The following RBM5 variants were observed in gnomAD, a reference collection of about 807,000 sequenced individuals.
RBM5 encodes the protein RNA binding motif protein 5.
RBM5 carries 15 observed loss-of-function variants against 124.6 expected under a neutral mutation model. That is an observed-to-expected ratio of 0.12 (90% CI 0.08 to 0.19). The LOEUF is 0.19. Ranked by LOEUF, RBM5 falls within the 10% of genes least tolerant of loss-of-function variation. RBM5 has a pLI of 1.00. For missense variants in RBM5, 580 were observed against 1,026.5 expected (o/e 0.57, Z 5.94); for synonymous variants, 337 against 361.2 (o/e 0.93, Z 0.76).
chr3:50,107,699 T>TTTTC (rs2091064253), intron 12 of RBM5, 130 bp downstream of exon 12: 1 of 536,700 alleles, frequency 1.9e-6, no homozygotes. Context: ...TTTTTTTTTT[T>TTTTC]TTTTGAGACA....
intron 4 of RBM5, chr3:50,099,697 C>CAA (rs879899576): frequency 5.9e-4 from 79 of 134,126 alleles, no homozygotes; most frequent in South Asian, 2.7e-3. Flanking sequence ...GACTCCGTCT[C>CAA]AAAAAAAAAA....
At chr3:50,095,522 C>T (rs1341236487) in intron 4 of RBM5, among the ~76,000 whole-genome samples, 1 of 151,980 alleles carries the variant, frequency 6.6e-6, no homozygotes, top group African/African-American at 2.4e-5. Context: ...TTTCCAGCAG[C>T]ATCTCTGGTC....
chr3:50,090,302 C>A (rs1198741267), intron 1 of RBM5, 80 bp from the exon 2 acceptor site: 1 of 906,216 alleles, frequency 1.1e-6, no homozygotes, highest in Non-Finnish European at 1.7e-6. Flanking sequence ...AAATCCCAGC[C>A]TCAGTAGTAT....
Position 50,113,142 on chromosome 3 carries a change from C to T in RBM5, c.1456-241C>T, listed in dbSNP as rs1258309571. 1.1e-4 allele frequency: 34 copies of T among 307,456 alleles called. No individual in the cohort carries two copies. In the South Asian group the frequency reaches 1.6e-3, roughly 14 times the overall value. 19.0% of individuals were successfully genotyped at this position (307,456 alleles called of 1,614,324 possible). The stretch of plus-strand genomic sequence containing the variant: ...GTGCTAGGATTACGGGCATGAGCCA[C>T]TGCTCCCGGCTGGGAACTAAACTTT... On this transcript the variant is annotated intron_variant, in intron 17 of 24. Transcript: ENST00000347869.
chr3:50,099,255 CAA>C (rs57080777), intron 4 of RBM5, among the ~76,000 whole-genome samples: 8 of 139,114 alleles, frequency 5.8e-5, no homozygotes, highest in Non-Finnish European at 6.2e-5. Flanking sequence ...GGCCCTGTCT[CAA>C]AAAAAAAAAA....
At chr3:50,093,047 G>A (rs1194490243) in intron 3 of RBM5, 4 of 211,072 alleles carry the variant, frequency 1.9e-5, no homozygotes, top group Admixed American at 6.6e-5. Context: ...GCTGAGGTAC[G>A]AGAATTGCTT....
At position 50,095,816 on chromosome 3, in the gene RBM5, C is replaced by T. The variant is rs371614338; in HGVS notation, c.339+1941C>T. ...CACCTCTGTGTCCCCAACCCTTGAA[C>T]ACAGTATGTTACTCAGCCAGTGCTC... On this transcript the variant is annotated intron_variant, in intron 4 of 24. Coordinates refer to ENST00000347869, the MANE Select transcript of RBM5 (RefSeq NM_005778.4). 3.3e-5 allele frequency among the ~76,000 whole-genome samples: 5 copies of T among 152,150 alleles called. No individual in the cohort carries two copies. In the South Asian group the frequency reaches 1.0e-3, roughly 32 times the overall value.
chr3:50,092,363 A>T (rs2090718926), intron 3 of RBM5, among the ~76,000 whole-genome samples, 155 bp downstream of exon 3: 1 of 152,032 alleles, frequency 6.6e-6, no homozygotes, highest in Non-Finnish European at 1.5e-5. Flanking sequence ...GGAGTTTAAG[A>T]CCAGTCTGGC....
chr3:50,104,444 C>A, intron 8 of RBM5, 136 bp downstream of exon 8: 1 of 808,980 alleles, frequency 1.2e-6, no homozygotes, highest in Non-Finnish European at 2.0e-6. Context: ...TCAATACCAG[C>A]CTGGCAAGAG....
rs898760905 is a variant in RBM5, at chr3:50,113,427, G to A, written c.1500G>A (p.Gly500=). 7 of 1,613,958 alleles carry A rather than the reference G, an allele frequency of 4.3e-6. No homozygotes were observed. The highest frequency in any genetic ancestry group is 5.9e-6 in the Non-Finnish European group (7 of 1,179,992). Residue 500 remains glycine (G), a synonymous_variant, in exon 18 of 25, where the codon GGG becomes GGA. Transcript: ENST00000347869. The part of the protein sequence containing the change: ...SLTQQYLYWD[G]EKETYVPAAE... ...CCCAGCAGTACCTTTACTGGGATGG[G>A]GAAAAAGAGACCTACGTGCCAGCTG... is the stretch of plus-strand genomic sequence containing the variant.
intron 22 of RBM5, chr3:50,116,726 G>A (rs1233184455): frequency 3.0e-6 from 1 of 332,386 alleles, no homozygotes; most frequent in South Asian, 2.6e-5. Flanking sequence ...AGGTATGCCT[G>A]TCCAAATGCT....
In RBM5 at chr3:50,115,420, G is replaced by A. The variant is rs1279127981; in HGVS notation, c.1840-8G>A. 6.2e-7 allele frequency: 1 copy of A among 1,611,152 alleles called. No homozygotes were observed. Among genetic ancestry groups the A allele is most frequent in the South Asian group, 1.1e-5 (1 of 90,572 alleles). On this transcript the variant is annotated splice_region_variant and splice_polypyrimidine_tract_variant and intron_variant, in intron 20 of 24. Coordinates refer to ENST00000347869, the MANE Select transcript of RBM5 (RefSeq NM_005778.4). ...ATTTCCAGTGACCTGTCCTCCTTTT[G>A]TCTCCAGAGGGGTCTGGTTGCTGCT... is the stretch of plus-strand genomic sequence containing the variant.
At chr3:50,105,275 G>A (rs1487861579) in intron 9 of RBM5, 133 bp downstream of exon 9, 1 of 735,800 alleles carries the variant, frequency 1.4e-6, no homozygotes, top group African/African-American at 1.8e-5. Flanking sequence ...GGGTGTGGTG[G>A]CACACACCTG....
chr3:50,104,098 A>AT, intron 7 of RBM5, 150 bp from the exon 8 acceptor site: 1 of 628,300 alleles, frequency 1.6e-6, no homozygotes, highest in Non-Finnish European at 2.8e-6. Context: ...TACATTCTGA[A>AT]TTTTTTAGGT....
chr3:50,093,470 C>T (rs929310244), intron 3 of RBM5, among the ~76,000 whole-genome samples: 2 of 146,658 alleles, frequency 1.4e-5, no homozygotes, highest in Admixed American at 1.4e-4. Context: ...ACACAGCAGG[C>T]TGGGTGTGCC....
At chr3:50,104,592 A>G (rs992011553) in intron 8 of RBM5, 1 of 397,402 alleles carries the variant, frequency 2.5e-6, no homozygotes, top group Non-Finnish European at 4.6e-6. Context: ...GCAGTGAGCT[A>G]TGGTCATACC....
intron 4 of RBM5, among the ~76,000 whole-genome samples, chr3:50,098,834 C>T (rs1392049172): frequency 6.6e-6 from 1 of 152,184 alleles, no homozygotes; most frequent in East Asian, 1.9e-4. Flanking sequence ...CTTGCCTCAT[C>T]TTCCCAAAGC....
rs149757302 is a variant in RBM5, at chr3:50,114,206, C to T, written c.1794C>T (p.Leu598=). Residue 598 remains leucine (L), a synonymous_variant, in exon 20 of 25, where the codon CTC becomes CTT. Coordinates refer to ENST00000347869, the MANE Select transcript of RBM5 (RefSeq NM_005778.4). ...KKGALAERQQ[L]IPELVRNGDE... The stretch of plus-strand genomic sequence containing the variant: ...GAGCCTTAGCTGAAAGGCAGCAGCT[C>T]ATCCCAGAATTGGTGCGAAATGGAG... The T allele has an allele frequency of 3.7e-6, 6 of 1,613,136 alleles. No individual in the cohort carries two copies. Among genetic ancestry groups the T allele is most frequent in the Admixed American group, 3.4e-5 (2 of 59,632 alleles).
chr3:50,114,109 G>A lies in RBM5; in HGVS notation c.1767+10G>A. On this transcript the variant is annotated intron_variant, in intron 19 of 24. Coordinates refer to ENST00000347869, the MANE Select transcript of RBM5 (RefSeq NM_005778.4). ...TCTCTTTGAGAAGAAGGTAATAGCA[G>A]GAATGGCCAGTATGTCATGATGGGA... 6.2e-7 allele frequency: 1 copy of A among 1,614,188 alleles called. No homozygotes were observed. The highest frequency in any genetic ancestry group is 8.5e-7 in the Non-Finnish European group (1 of 1,180,034).
Sources: gnomAD v4.1 joint callset for allele counts (sites outside exome capture counted in the v4.1 genomes callset) on GRCh38, gnomAD v4.1.1 for gene constraint, MANE v1.5 for transcripts, NCBI Gene and HGNC (gene_info 2026-07-23, HGNC 2026-07-21) for gene names.